Variants in SBF2 observed in about 807,000 individuals in gnomAD.
The protein encoded by SBF2 is myotubularin-related protein 13.
SBF2 carries 112 observed loss-of-function variants against 225.2 expected under a neutral mutation model. That is an observed-to-expected ratio of 0.50 (90% CI 0.43 to 0.58). The LOEUF is 0.58. Ranked by LOEUF, SBF2 falls within the 20% of genes least tolerant of loss-of-function variation. The probability of loss-of-function intolerance (pLI) is 0.00; values close to 1 mark genes in which losing one functional copy is unlikely to be tolerated. For synonymous variants in SBF2, 763 were observed against 773.3 expected, an observed-to-expected ratio of 0.99 and a Z score of 0.22; for missense variants, 1,996 against 2,206.2, an observed-to-expected ratio of 0.90 and a Z score of 1.91.
At chr11:9,824,751 T>C (rs1006572239) in intron 28 of SBF2, among the ~76,000 whole-genome samples, 1 of 151,426 alleles carries the variant, frequency 6.6e-6, no homozygotes. Flanking sequence ...GGTGGGAGGG[T>C]TTCAATTAAC....
At chr11:10,006,950 G>C (rs1265786330) in intron 6 of SBF2, among the ~76,000 whole-genome samples, 1 of 152,198 alleles carries the variant, frequency 6.6e-6, no homozygotes, top group East Asian at 1.9e-4. Flanking sequence ...GAAGGTCATG[G>C]AGGCAAGAAT....
upstream of SBF2, among the ~76,000 whole-genome samples, chr11:10,296,779 C>T (rs1390700027): frequency 6.6e-6 from 1 of 152,174 alleles, no homozygotes; most frequent in Non-Finnish European, 1.5e-5. Flanking sequence ...AGTTCTGTTA[C>T]TACTGTTTTC....
At chr11:10,050,651 G>A (rs1470912965) in intron 2 of SBF2, among the ~76,000 whole-genome samples, 2 of 152,126 alleles carry the variant, frequency 1.3e-5, no homozygotes, top group Non-Finnish European at 2.9e-5. Context: ...TCTGTGATGA[G>A]ATGAAAGGTG....
chr11:9,918,057 C>T (rs200655781), intron 16 of SBF2, among the ~76,000 whole-genome samples: 1 of 130,680 alleles, frequency 7.7e-6, no homozygotes, highest in Non-Finnish European at 1.8e-5. Context: ...ATCCACCCAA[C>T]AATATGTTTA....
intron 2 of SBF2, among the ~76,000 whole-genome samples, chr11:10,173,525 C>T (rs1591130958): frequency 6.6e-6 from 1 of 152,210 alleles, no homozygotes; most frequent in Admixed American, 6.5e-5. Context: ...CACGGAGTCT[C>T]GCTGATTGCT....
chr11:9,880,134 C>G (rs1159477786), intron 17 of SBF2, among the ~76,000 whole-genome samples: 2 of 131,108 alleles, frequency 1.5e-5, no homozygotes, highest in Non-Finnish European at 3.2e-5. Flanking sequence ...AGCCAAGATT[C>G]AAATCCAGAT....
intron 17 of SBF2, among the ~76,000 whole-genome samples, chr11:9,861,928 G>C (rs994392849): frequency 2.0e-5 from 3 of 152,170 alleles, no homozygotes; most frequent in African/African-American, 7.2e-5. Context: ...TTCCAAGGAA[G>C]AAAAACGGTG....
intron 2 of SBF2, among the ~76,000 whole-genome samples, chr11:10,099,028 AAAAG>A (rs1021166738): frequency 5.1e-4 from 78 of 152,284 alleles, no homozygotes; most frequent in African/African-American, 1.7e-3. Flanking sequence ...AAAGAAGACA[AAAAG>A]AAAGAAGCAA....
At position 9,979,605 on chromosome 11, in the gene SBF2, A is replaced by G. The variant is rs537090262; in HGVS notation, c.1395+9892T>C. 1.6e-3 allele frequency among the ~76,000 whole-genome samples: 247 copies of G among 152,346 alleles called. 1 individual carries two copies. Among genetic ancestry groups the G allele is most frequent in the African/African-American group, 5.7e-3 (237 of 41,580 alleles). On this transcript the variant is annotated intron_variant, in intron 13 of 39. Transcript: ENST00000256190. The stretch of plus-strand genomic sequence containing the variant: ...AAATAACTAAAAATGTGATCAGTCA[A>G]TAAATTAAAGTAACAGATCTTGGCA...
upstream of SBF2, among the ~76,000 whole-genome samples, chr11:10,299,063 G>A (rs1276872448): frequency 6.6e-6 from 1 of 152,150 alleles, no homozygotes; most frequent in African/African-American, 2.4e-5. Context: ...TCCTGGCCAG[G>A]TGTGGTGGCT....
intron 6 of SBF2, among the ~76,000 whole-genome samples, chr11:10,018,950 GCTT>G (rs1948745806): frequency 6.6e-6 from 1 of 152,022 alleles, no homozygotes; most frequent in African/African-American, 2.4e-5. Context: ...TGCTAAATAT[GCTT>G]CTTCTTCTAG....
At chr11:9,808,499 CT>C in intron 31 of SBF2, 2 of 459,248 alleles carry the variant, frequency 4.4e-6, no homozygotes, top group East Asian at 9.1e-5. Context: ...ATCAATTCTA[CT>C]TTTTGGCAGA....
At chr11:10,077,103 C>T (rs1229055806) in intron 2 of SBF2, among the ~76,000 whole-genome samples, 1 of 152,148 alleles carries the variant, frequency 6.6e-6, no homozygotes, top group Non-Finnish European at 1.5e-5. Context: ...ATTACATTAT[C>T]TGTTGATAAA....
At chr11:9,901,189 A>G (rs1861693100) in intron 16 of SBF2, among the ~76,000 whole-genome samples, 1 of 152,252 alleles carries the variant, frequency 6.6e-6, no homozygotes, top group Admixed American at 6.5e-5. Flanking sequence ...AAAGCAAGGA[A>G]TATGCAGACC....
intron 32 of SBF2, among the ~76,000 whole-genome samples, chr11:9,805,869 C>T (rs1853807691): frequency 6.6e-6 from 1 of 152,192 alleles, no homozygotes; most frequent in South Asian, 2.1e-4. Context: ...GATCCACCCA[C>T]CTTGGCCTCC....
At chr11:10,019,204 T>C (rs1378324849) in intron 6 of SBF2, among the ~76,000 whole-genome samples, 1 of 152,222 alleles carries the variant, frequency 6.6e-6, no homozygotes, top group Non-Finnish European at 1.5e-5. Context: ...TACCATCATA[T>C]AAGCAGAAGG....
chr11:10,179,423 A>G (rs976979182), intron 2 of SBF2, among the ~76,000 whole-genome samples: 1 of 149,486 alleles, frequency 6.7e-6, no homozygotes, highest in African/African-American at 2.5e-5. Flanking sequence ...AAACAAAAAA[A>G]ACTTATTTTT....
chr11:9,869,773 T>C (rs1858565490), intron 17 of SBF2, among the ~76,000 whole-genome samples: 1 of 152,094 alleles, frequency 6.6e-6, no homozygotes, highest in Admixed American at 6.5e-5. Flanking sequence ...CTGGAAGCAT[T>C]CCCTTTGAAA....
intron 9 of SBF2, among the ~76,000 whole-genome samples, chr11:9,994,352 G>T (rs1377746426): frequency 2.0e-5 from 3 of 151,622 alleles, no homozygotes; most frequent in Non-Finnish European, 4.4e-5. Flanking sequence ...GTGGGCGCCT[G>T]TAGTCCCAGC....
Sources: allele counts gnomAD v4.1 joint callset (sites outside exome capture counted in the v4.1 genomes callset), GRCh38; gene constraint gnomAD v4.1.1; transcripts MANE v1.5; gene names NCBI Gene and HGNC (gene_info 2026-07-23, HGNC 2026-07-21).